The following CRYGA variants were observed in gnomAD, a reference collection of about 807,000 sequenced individuals.
CRYGA encodes the protein crystallin gamma A.
In CRYGA, 11 loss-of-function variants were observed where a neutral mutation model predicts 13.8. The ratio of observed to expected loss-of-function variants is 0.80; its 90% confidence interval spans 0.50 to 1.32. The LOEUF (loss-of-function observed/expected upper bound fraction) is 1.32. Ranked by LOEUF, CRYGA falls within the 40% of genes most tolerant of loss-of-function variation. The pLI, the probability that CRYGA is intolerant of heterozygous loss-of-function variation, is 0.00. For synonymous variants in CRYGA, 97 were observed against 89.3 expected (o/e 1.09, Z -0.48); for missense variants, 271 against 234.1 (o/e 1.16, Z -1.03).
chr2:208,161,090 A>G lies in CRYGA; in HGVS notation c.253-14T>C. ...GTGCGAGCTGGTCTGTCATGGCAAT[A>G]AACAAAAGAACAAAAATAAACAGCA... On this transcript the variant is annotated splice_polypyrimidine_tract_variant and intron_variant, in intron 2 of 2. Transcript: ENST00000304502. 1 of 1,609,480 alleles carries G rather than the reference A, an allele frequency of 6.2e-7. No individual in the cohort carries two copies. Among genetic ancestry groups the G allele is most frequent in the South Asian group, 1.1e-5 (1 of 90,966 alleles).
Position 208,163,539 on chromosome 2 carries a change from C to T in CRYGA, c.9+9G>A. Reference sequence around the variant, plus strand: ...CAATAGACATGGCACAGCACCTCCACAGGCTCACCTTCCCCATGGTTGTTG... The same window carrying T: ...CAATAGACATGGCACAGCACCTCCATAGGCTCACCTTCCCCATGGTTGTTG... On this transcript the variant is annotated intron_variant, in intron 1 of 2. Transcript: ENST00000304502. 1 of 1,611,124 alleles carries T rather than the reference C, an allele frequency of 6.2e-7. No homozygotes were observed. Among genetic ancestry groups the T allele is most frequent in the Non-Finnish European group, 8.5e-7 (1 of 1,179,544 alleles).
intron 2 of CRYGA, among the ~76,000 whole-genome samples, chr2:208,162,188 C>T (rs1574347487): frequency 1.3e-5 from 2 of 152,252 alleles, no homozygotes; most frequent in Middle Eastern, 6.8e-3. Flanking sequence ...CTGCCCAGCT[C>T]AGCCTCCCAA....
chr2:208,161,136 A>C, intron 2 of CRYGA, 60 bp from the exon 3 acceptor site: 2 of 1,485,770 alleles, frequency 1.3e-6, no homozygotes, highest in Non-Finnish European at 1.9e-6. Context: ...GGTGTCAACG[A>C]AAGTGACACA....
intron 2 of CRYGA, 100 bp from the exon 3 acceptor site, chr2:208,161,176 T>C: frequency 8.4e-7 from 1 of 1,185,768 alleles, no homozygotes; most frequent in South Asian, 1.5e-5. Context: ...AAGCATGGCT[T>C]TTATTTTATT....
intron 2 of CRYGA, among the ~76,000 whole-genome samples, chr2:208,161,902 G>A (rs530865571): frequency 3.4e-4 from 51 of 151,738 alleles, no homozygotes; most frequent in Non-Finnish European, 6.9e-4. Context: ...ACCTCTTTGC[G>A]CATCTGCAAA....
chr2:208,162,760 A>G (rs1340970153), intron 2 of CRYGA, among the ~76,000 whole-genome samples: 1 of 152,008 alleles, frequency 6.6e-6, no homozygotes, highest in Non-Finnish European at 1.5e-5. Context: ...AATCGCTTGA[A>G]CCTGGGAGGC....
At position 208,161,079 on chromosome 2, in the gene CRYGA, G is replaced by A. The variant is rs369698030; in HGVS notation, c.253-3C>T. On this transcript the variant is annotated splice_region_variant and splice_polypyrimidine_tract_variant and intron_variant, in intron 2 of 2. Transcript: ENST00000304502. Reference sequence around the variant, plus strand: ...AGCCTTAACTTGTGCGAGCTGGTCTGTCATGGCAATAAACAAAAGAACAAA... The same window carrying A: ...AGCCTTAACTTGTGCGAGCTGGTCTATCATGGCAATAAACAAAAGAACAAA... 6.8e-6 allele frequency: 11 copies of A among 1,611,856 alleles called. No homozygotes were observed. The highest frequency in any genetic ancestry group is 1.7e-4 in the Middle Eastern group (1 of 6,052).
chr2:208,163,544 T>G lies in CRYGA; in HGVS notation c.9+4A>C, dbSNP rs372935883. ...GACATGGCACAGCACCTCCACAGGC[T>G]CACCTTCCCCATGGTTGTTGACAGA... On this transcript the variant is annotated splice_donor_region_variant and intron_variant, in intron 1 of 2. Coordinates refer to ENST00000304502, the MANE Select transcript of CRYGA (RefSeq NM_014617.4). 18 of 1,609,508 alleles carry G rather than the reference T, an allele frequency of 1.1e-5. 1 individual carries two copies. The highest frequency in any genetic ancestry group is 2.7e-5 in the African/African-American group (2 of 73,232).
At chr2:208,161,486 T>C (rs901784716) in intron 2 of CRYGA, among the ~76,000 whole-genome samples, 2 of 139,278 alleles carry the variant, frequency 1.4e-5, no homozygotes, top group Admixed American at 7.3e-5. Flanking sequence ...GTTTGAAACA[T>C]GGTTTTTTAA....
chr2:208,162,218 T>C (rs1574347496), intron 2 of CRYGA, among the ~76,000 whole-genome samples: 1 of 152,204 alleles, frequency 6.6e-6, no homozygotes. Context: ...ATTACGGGCG[T>C]GAGCCACTGA....
chr2:208,160,814 T>A lies in CRYGA; in HGVS notation c.515A>T (p.Asp172Val). ...AKVGSLRRVT[D>V]LY is the part of the protein sequence containing the mutation. ...CAAGGCAGGCACAGCTTAGTACAAA[T>A]CGGTGACCCGTCTCAAAGAGCCGAC... The change falls in exon 3 of 3, where the codon GAT (aspartate) becomes GTT (valine). Residue 172 changes from aspartate (D) to valine (V), a missense_variant. Transcript: ENST00000304502. 2 of 1,604,636 alleles carry A rather than the reference T, an allele frequency of 1.2e-6. No individual in the cohort carries two copies. The highest frequency in any genetic ancestry group is 1.7e-6 in the Non-Finnish European group (2 of 1,171,818).
rs137892904 is a variant in CRYGA, at chr2:208,163,231, C to T, written c.225G>A (p.Ser75=). 78 of 1,613,662 alleles carry T rather than the reference C, an allele frequency of 4.8e-5. No homozygotes were observed. The African/African-American group carries it at 8.0e-4, about 17-fold the overall frequency. The change falls in exon 2 of 3, where the codon TCG becomes TCA. Residue 75 remains serine, a synonymous_variant. Coordinates refer to ENST00000304502, the MANE Select transcript of CRYGA (RefSeq NM_014617.4). ...GAGGAATTATACGGCAGGATTGGAC[C>T]GAGTCGCTGAGGCCCATCCAGTGCT... ...DYQHWMGLSD[S]VQSCRIIPHT...
intron 2 of CRYGA, among the ~76,000 whole-genome samples, chr2:208,162,963 A>G (rs1384041284): frequency 1.4e-5 from 2 of 146,864 alleles, no homozygotes; most frequent in African/African-American, 2.5e-5. Context: ...GATCACCTAG[A>G]TGTTACCAAG....
In CRYGA at chr2:208,163,433, T is replaced by C; in HGVS notation, c.23A>G (p.Glu8Gly). 1 of 1,613,568 alleles carries C rather than the reference T, an allele frequency of 6.2e-7. No homozygotes were observed. Among genetic ancestry groups the C allele is most frequent in the Non-Finnish European group, 8.5e-7 (1 of 1,179,926 alleles). ...GCAGCGACCCTGAAAGTCTCGGTCC[T>C]CGTAGAAGGTGATCTGAGGTAGAAA... MGKITFYEDRDFQGRCYN... is the reference protein window; with the variant it reads MGKITFYGDRDFQGRCYN... Residue 8 changes from glutamate (E) to glycine (G), a missense_variant, in exon 2 of 3, where the codon GAG becomes GGG. By Grantham distance (98) the Glu-to-Gly change is moderately conservative (BLOSUM62 -2). Transcript: ENST00000304502.
chr2:208,161,896 CTT>C (rs1695766445), intron 2 of CRYGA, among the ~76,000 whole-genome samples: 1 of 152,098 alleles, frequency 6.6e-6, no homozygotes, highest in East Asian at 1.9e-4. Flanking sequence ...ATTTATACCT[CTT>C]TGCGCATCTG....
At position 208,161,931 on chromosome 2, in the gene CRYGA, G is replaced by GT. The variant is rs1553593345; in HGVS notation, c.253-856dup. On this transcript the variant is annotated intron_variant, in intron 2 of 2. Transcript: ENST00000304502. ...CTGCAAATTTTTCTGGCCTAAATTT[G>GT]TTTTTTTATTTTTTTATTTTTTTTT... Among the ~76,000 whole-genome samples the GT allele has an allele frequency of 4.0e-5, 6 of 151,866 alleles. No individual in the cohort carries two copies. In the East Asian group the frequency reaches 9.6e-4, roughly 24 times the overall value.
Position 208,160,853 on chromosome 2 carries a change from C to A in CRYGA, c.476G>T (p.Gly159Val), listed in dbSNP as rs762293307. ...CAAAGAGCCGACTTTGGCATCTGCACCCCCCCAGTCGTGGTACCTTCTGTA... is the reference window on the plus strand; with the variant it reads ...CAAAGAGCCGACTTTGGCATCTGCAACCCCCCAGTCGTGGTACCTTCTGTA... ...GDYRRYHDWGGADAKVGSLRR... is the reference protein window; with the variant it reads ...GDYRRYHDWGVADAKVGSLRR... Residue 159 changes from glycine to valine, a missense_variant, in exon 3 of 3, where the codon GGT becomes GTT. Gly to Val is a moderately radical substitution (Grantham distance 109). Coordinates refer to ENST00000304502, the MANE Select transcript of CRYGA (RefSeq NM_014617.4). 3 of 1,604,128 alleles carry A rather than the reference C, an allele frequency of 1.9e-6. No individual in the cohort carries two copies. The highest frequency in any genetic ancestry group is 2.6e-6 in the Non-Finnish European group (3 of 1,171,152).
intron 2 of CRYGA, among the ~76,000 whole-genome samples, chr2:208,161,738 G>C (rs1695763800): frequency 6.6e-6 from 1 of 152,060 alleles, no homozygotes; most frequent in African/African-American, 2.4e-5. Context: ...ATATAATTGA[G>C]TCTTATCAAG....
chr2:208,162,554 A>G (rs62194805), intron 2 of CRYGA, among the ~76,000 whole-genome samples: 22,470 of 152,142 alleles, frequency 0.15, 1,776 homozygotes, highest in Admixed American at 0.18. Flanking sequence ...TTAACTTTTC[A>G]TCATTAAAAA....
Sources: gnomAD v4.1 joint callset for allele counts (sites outside exome capture counted in the v4.1 genomes callset) on GRCh38, gnomAD v4.1.1 for gene constraint, MANE v1.5 for transcripts, NCBI Gene and HGNC (gene_info 2026-07-23, HGNC 2026-07-21) for gene names.